KCNJ1: variants seen among roughly 807,000 people sequenced by gnomAD.
The protein encoded by KCNJ1 is potassium inwardly rectifying channel subfamily J member 1, also known as ATP-sensitive inward rectifier potassium channel 1.
KCNJ1 carries 24 observed loss-of-function variants against 21.9 expected under a neutral mutation model. The observed-to-expected ratio is 1.10, with a 90% CI of 0.79 to 1.54. The LOEUF (loss-of-function observed/expected upper bound fraction) is 1.54. Among genes scored for constraint, KCNJ1 ranks in the 40% most tolerant of loss-of-function variants. KCNJ1 has a pLI of 0.00. For missense variants in KCNJ1, 457 were observed against 455.4 expected, an observed-to-expected ratio of 1.00 and a Z score of -0.03; for synonymous variants, 152 against 160.9, an observed-to-expected ratio of 0.94 and a Z score of 0.42.
At chr11:128,846,222 C>T (rs1234736092) in intron 2 of KCNJ1, among the ~76,000 whole-genome samples, 1 of 152,152 alleles carries the variant, frequency 6.6e-6, no homozygotes, top group Non-Finnish European at 1.5e-5. Context: ...GCTAAGCAAA[C>T]CACTGACCTT....
intron 1 of KCNJ1, among the ~76,000 whole-genome samples, chr11:128,860,041 C>A (rs1487083780): frequency 2.3e-5 from 3 of 130,854 alleles, no homozygotes; most frequent in African/African-American, 8.8e-5. Context: ...CTGGCGCCTG[C>A]CGAGGGCACT....
chr11:128,858,592 A>G (rs572625274), intron 1 of KCNJ1, among the ~76,000 whole-genome samples: 15 of 152,240 alleles, frequency 9.9e-5, no homozygotes, highest in Non-Finnish European at 2.1e-4. Flanking sequence ...AAACTAGTTC[A>G]GTTGGGGTAA....
chr11:128,865,838 T>G (rs1943807192), intron 1 of KCNJ1, among the ~76,000 whole-genome samples: 1 of 152,036 alleles, frequency 6.6e-6, no homozygotes, highest in Non-Finnish European at 1.5e-5. Context: ...AAAGCATGCT[T>G]GGCAATTACA....
At position 128,839,806 on chromosome 11, in the gene KCNJ1, T is replaced by A; in HGVS notation, c.438A>T (p.Ile146=). Residue 146 remains isoleucine (I), a synonymous_variant, in exon 3 of 3, where the codon ATA becomes ATT. Coordinates refer to ENST00000392666, the MANE Select transcript of KCNJ1 (RefSeq NM_153766.3). ...TAIFLLIFQS[I]LGVIINSFMC... is the part of the protein sequence containing the mutation. ...TGAAAGAATTGATTATAACTCCAAG[T>A]ATAGACTGAAAGATAAGCAGAAAAA... 6.2e-7 allele frequency: 1 copy of A among 1,614,092 alleles called. No individual in the cohort carries two copies.
intron 1 of KCNJ1, among the ~76,000 whole-genome samples, chr11:128,860,463 TAAG>T (rs915144937): frequency 6.6e-6 from 1 of 152,224 alleles, no homozygotes; most frequent in East Asian, 1.9e-4. Flanking sequence ...TTGATTTTTT[TAAG>T]AAGTGACTTA....
At chr11:128,846,421 G>A (rs1943380561) in intron 2 of KCNJ1, among the ~76,000 whole-genome samples, 1 of 152,150 alleles carries the variant, frequency 6.6e-6, no homozygotes, top group Non-Finnish European at 1.5e-5. Flanking sequence ...GGGGTCACTG[G>A]TCCAGGCCAA....
chr11:128,849,743 T>A (rs760556695), intron 2 of KCNJ1, among the ~76,000 whole-genome samples: 1 of 152,230 alleles, frequency 6.6e-6, no homozygotes, highest in African/African-American at 2.4e-5. Flanking sequence ...TGTCCTGGCA[T>A]AAGCAAACGG....
chr11:128,846,356 G>T (rs960439013), intron 2 of KCNJ1, among the ~76,000 whole-genome samples: 2 of 152,144 alleles, frequency 1.3e-5, no homozygotes, highest in African/African-American at 4.8e-5. Flanking sequence ...GCAATAAATA[G>T]CTACAATTAT....
At position 128,867,233 on chromosome 11, in the gene KCNJ1, C is replaced by G. The variant is rs1310450925; in HGVS notation, c.-252G>C. The stretch of plus-strand genomic sequence containing the variant: ...CTCATTTTCTTGGTCTCCAAGAAAG[C>G]AACCAGATTCTCGATGTGAGCAAGT... On this transcript the variant is annotated 5_prime_UTR_variant, in exon 1 of 3. Coordinates refer to ENST00000392666, the MANE Select transcript of KCNJ1 (RefSeq NM_153766.3). 6.6e-6 allele frequency: 1 copy of G among 152,088 alleles called. No individual in the cohort carries two copies. Among genetic ancestry groups the G allele is most frequent in the African/African-American group, 2.4e-5 (1 of 41,428 alleles). The allele number at this position is 152,088 out of a possible 1,614,324, so 9.4% of individuals were successfully genotyped here. A position where few individuals can be genotyped will look rare whatever the true frequency, so the allele number is the denominator to read the frequency against.
At chr11:128,844,896 G>A (rs1358522185) in intron 2 of KCNJ1, among the ~76,000 whole-genome samples, 2 of 152,040 alleles carry the variant, frequency 1.3e-5, no homozygotes, top group African/African-American at 4.8e-5. Flanking sequence ...ACCTCTCATA[G>A]CTCATGCACA....
At chr11:128,861,455 G>T (rs368733617) in intron 1 of KCNJ1, among the ~76,000 whole-genome samples, 1 of 152,130 alleles carries the variant, frequency 6.6e-6, no homozygotes, top group South Asian at 2.1e-4. Flanking sequence ...GGTATCCCTG[G>T]GACCTCAGAC....
At chr11:128,847,040 C>T (rs889672249) in intron 2 of KCNJ1, among the ~76,000 whole-genome samples, 1 of 152,146 alleles carries the variant, frequency 6.6e-6, no homozygotes, top group Non-Finnish European at 1.5e-5. Flanking sequence ...TTTCTTTCCC[C>T]AGAACAGCTT....
intron 2 of KCNJ1, among the ~76,000 whole-genome samples, chr11:128,844,365 C>A (rs184628570): frequency 3.7e-4 from 56 of 152,234 alleles, no homozygotes; most frequent in African/African-American, 1.2e-3. Flanking sequence ...ACTTGGTGTA[C>A]CATTTGACAG....
chr11:128,865,161 A>G (rs2135965047), intron 1 of KCNJ1, among the ~76,000 whole-genome samples: 1 of 152,238 alleles, frequency 6.6e-6, no homozygotes, highest in East Asian at 1.9e-4. Flanking sequence ...TGCCTCCAGT[A>G]GGCCCCTTCC....
intron 2 of KCNJ1, among the ~76,000 whole-genome samples, chr11:128,848,357 T>A (rs1943420799): frequency 6.6e-6 from 1 of 151,020 alleles, no homozygotes; most frequent in South Asian, 2.1e-4. Context: ...CTGATTTTGT[T>A]GTTATTATTG....
intron 2 of KCNJ1, among the ~76,000 whole-genome samples, chr11:128,849,564 G>T (rs555880554): frequency 4.6e-5 from 7 of 152,206 alleles, no homozygotes. Flanking sequence ...GGATCTGAGG[G>T]TGTGTGTTGG....
Position 128,839,081 on chromosome 11 carries a change from A to C in KCNJ1, c.*44T>G. On this transcript the variant is annotated 3_prime_UTR_variant, in exon 3 of 3. Transcript: ENST00000392666. ...CTGCTTCATAATGCTTCTAGGTACT[A>C]GGAGCTTTAGAGACTTTGCTTTACT... is the stretch of plus-strand genomic sequence containing the variant. 1 of 1,557,998 alleles carries C rather than the reference A, an allele frequency of 6.4e-7. No homozygotes were observed. Among genetic ancestry groups the C allele is most frequent in the Non-Finnish European group, 8.8e-7 (1 of 1,135,318 alleles).
chr11:128,850,170 C>G (rs1393704265), intron 2 of KCNJ1, among the ~76,000 whole-genome samples: 2 of 152,122 alleles, frequency 1.3e-5, no homozygotes, highest in Non-Finnish European at 2.9e-5. Flanking sequence ...TGGAGCTCTA[C>G]TCTCCCCCAC....
At chr11:128,842,246 AAAG>A in intron 2 of KCNJ1, 1 of 1,043,124 alleles carries the variant, frequency 9.6e-7, no homozygotes, top group South Asian at 1.4e-5. Flanking sequence ...TTTTAAAGGT[AAAG>A]AAGATTTCTG....
Sources: allele counts gnomAD v4.1 joint callset (sites outside exome capture counted in the v4.1 genomes callset), GRCh38; gene constraint gnomAD v4.1.1; transcripts MANE v1.5; gene names NCBI Gene and HGNC (gene_info 2026-07-23, HGNC 2026-07-21).